Variants in PLPP4 observed in about 807,000 individuals in gnomAD.
PLPP4 encodes phospholipid phosphatase 4, also known as diacylglycerol pyrophosphate like 2.
In PLPP4, 20 loss-of-function variants were observed where a neutral mutation model predicts 32.2. The observed-to-expected ratio is 0.62, with a 90% CI of 0.44 to 0.90. The LOEUF (loss-of-function observed/expected upper bound fraction) is 0.90. PLPP4 is among the 40% of genes least tolerant of loss of function. The probability of loss-of-function intolerance (pLI) is 0.00; values close to 1 mark genes in which losing one functional copy is unlikely to be tolerated. For synonymous variants in PLPP4, 127 were observed against 133.0 expected, an observed-to-expected ratio of 0.95 and a Z score of 0.31; for missense variants, 257 against 353.1, an observed-to-expected ratio of 0.73 and a Z score of 2.18.
At chr10:120,565,723 A>C (rs1055259939) in intron 5 of PLPP4, among the ~76,000 whole-genome samples, 1 of 152,064 alleles carries the variant, frequency 6.6e-6, no homozygotes, top group Admixed American at 6.6e-5. Context: ...CAATATCCTG[A>C]GATACCCTCT....
At chr10:120,482,523 CT>C (rs1252207696) in intron 1 of PLPP4, among the ~76,000 whole-genome samples, 17 of 152,130 alleles carry the variant, frequency 1.1e-4, no homozygotes, top group African/African-American at 4.1e-4. Context: ...CAAGAGGTGA[CT>C]TGGGTGCTGT....
chr10:120,541,428 C>T (rs976321034), intron 5 of PLPP4, among the ~76,000 whole-genome samples: 4 of 152,202 alleles, frequency 2.6e-5, no homozygotes, highest in African/African-American at 9.6e-5. Flanking sequence ...ACTGTCCTGA[C>T]AGGTACCTAC....
intron 6 of PLPP4, among the ~76,000 whole-genome samples, chr10:120,576,102 A>T (rs1190861861): frequency 1.3e-5 from 2 of 152,222 alleles, no homozygotes; most frequent in East Asian, 1.9e-4. Context: ...CTAGGGGTGC[A>T]TCTGGAGCAG....
chr10:120,503,359 G>GA (rs1564800474), intron 1 of PLPP4, among the ~76,000 whole-genome samples: 2 of 152,176 alleles, frequency 1.3e-5, no homozygotes. Flanking sequence ...CTTCCCCCCA[G>GA]TTTTTCTCTT....
At chr10:120,543,913 G>C (rs1273129954) in intron 5 of PLPP4, among the ~76,000 whole-genome samples, 1 of 152,106 alleles carries the variant, frequency 6.6e-6, no homozygotes, top group Non-Finnish European at 1.5e-5. Flanking sequence ...GTATCCTCAG[G>C]ATGCATCCAT....
intron 3 of PLPP4, among the ~76,000 whole-genome samples, chr10:120,515,570 C>T (rs1319599176): frequency 6.6e-6 from 1 of 152,174 alleles, no homozygotes; most frequent in Non-Finnish European, 1.5e-5. Flanking sequence ...CTGTCGATGC[C>T]CTCCCTCAGG....
At chr10:120,528,837 A>AT (rs1284932947) in intron 5 of PLPP4, among the ~76,000 whole-genome samples, 5 of 152,086 alleles carry the variant, frequency 3.3e-5, no homozygotes, top group Non-Finnish European at 5.9e-5. Context: ...GCCTTTTTAG[A>AT]TTTTTAAAAA....
intron 1 of PLPP4, among the ~76,000 whole-genome samples, chr10:120,476,295 C>A (rs947074854): frequency 2.0e-5 from 3 of 152,224 alleles, no homozygotes; most frequent in African/African-American, 7.2e-5. Flanking sequence ...ACAACTGCTT[C>A]TTCTCTTTTT....
intron 5 of PLPP4, among the ~76,000 whole-genome samples, chr10:120,536,059 G>A (rs1016206444): frequency 3.3e-5 from 5 of 152,048 alleles, no homozygotes; most frequent in East Asian, 1.9e-4. Context: ...ACAAATAAAT[G>A]GAAAGATAGT....
intron 5 of PLPP4, among the ~76,000 whole-genome samples, chr10:120,534,344 A>G (rs1435960139): frequency 1.3e-5 from 2 of 151,520 alleles, no homozygotes; most frequent in Non-Finnish European, 2.9e-5. Context: ...GTGACAAATC[A>G]TTTTTCCTCT....
At chr10:120,543,590 G>A (rs1004369665) in intron 5 of PLPP4, among the ~76,000 whole-genome samples, 1 of 152,182 alleles carries the variant, frequency 6.6e-6, no homozygotes, top group Non-Finnish European at 1.5e-5. Flanking sequence ...TTCTGAAGGT[G>A]TAGATTTTTT....
intron 5 of PLPP4, among the ~76,000 whole-genome samples, chr10:120,547,312 A>G (rs1847673266): frequency 6.6e-6 from 1 of 152,272 alleles, no homozygotes; most frequent in South Asian, 2.1e-4. Context: ...TAACCCTATG[A>G]GAACCTATTA....
intron 5 of PLPP4, among the ~76,000 whole-genome samples, chr10:120,565,750 A>G (rs1215224050): frequency 6.6e-6 from 1 of 152,040 alleles, no homozygotes; most frequent in African/African-American, 2.4e-5. Context: ...ATCTACTTGA[A>G]TATTTCTTCT....
intron 1 of PLPP4, among the ~76,000 whole-genome samples, chr10:120,496,235 T>C (rs1844958157): frequency 6.6e-6 from 1 of 152,198 alleles, no homozygotes; most frequent in African/African-American, 2.4e-5. Flanking sequence ...TAGAAGCTTA[T>C]AGGGATCCTC....
At chr10:120,574,737 C>T (rs901690393) in intron 5 of PLPP4, among the ~76,000 whole-genome samples, 1 of 152,146 alleles carries the variant, frequency 6.6e-6, no homozygotes, top group Non-Finnish European at 1.5e-5. Context: ...TAGAATGTAT[C>T]ACATTATATT....
chr10:120,477,381 AC>A (rs1215748845), intron 1 of PLPP4, among the ~76,000 whole-genome samples: 2 of 150,930 alleles, frequency 1.3e-5, no homozygotes, highest in Non-Finnish European at 3.0e-5. Context: ...AAAAAAAAAA[AC>A]AGAAGAAAAG....
At chr10:120,571,646 G>A (rs528593197) in intron 5 of PLPP4, among the ~76,000 whole-genome samples, 57 of 152,244 alleles carry the variant, frequency 3.7e-4, no homozygotes, top group Middle Eastern at 3.4e-3. Flanking sequence ...TCAGAGTTGG[G>A]TGGGAGATGG....
At chr10:120,580,988 C>G (rs1025671748) in intron 6 of PLPP4, 5 of 1,288,772 alleles carry the variant, frequency 3.9e-6, no homozygotes, top group Non-Finnish European at 5.1e-6. Context: ...CCTTGACTGC[C>G]CATCTAAGTC....
chr10:120,549,371 C>G (rs1479142393), intron 5 of PLPP4, among the ~76,000 whole-genome samples: 3 of 150,108 alleles, frequency 2.0e-5, no homozygotes, highest in Non-Finnish European at 4.4e-5. Context: ...AATTTAAAAC[C>G]TTTTCAGCAA....
Sources: gnomAD v4.1 joint callset for allele counts (sites outside exome capture counted in the v4.1 genomes callset) on GRCh38, gnomAD v4.1.1 for gene constraint, MANE v1.5 for transcripts, NCBI Gene and HGNC (gene_info 2026-07-23, HGNC 2026-07-21) for gene names.